The following ARHGEF37 variants were observed in gnomAD, a reference collection of about 807,000 sequenced individuals.
ARHGEF37 encodes the protein Rho guanine nucleotide exchange factor (GEF) 37.
In ARHGEF37, 55 loss-of-function variants were observed where a neutral mutation model predicts 71.1. The observed-to-expected ratio is 0.77, with a 90% CI of 0.62 to 0.97. The LOEUF is 0.97. ARHGEF37 is among the 50% of genes least tolerant of loss of function. ARHGEF37 has a pLI of 0.00. For missense variants in ARHGEF37, 765 were observed against 836.8 expected, an observed-to-expected ratio of 0.91 and a Z score of 1.06; for synonymous variants, 327 against 350.6, an observed-to-expected ratio of 0.93 and a Z score of 0.75.
intron 10 of ARHGEF37, among the ~76,000 whole-genome samples, chr5:149,624,913 T>TTG (rs1476776139): frequency 2.0e-5 from 3 of 151,216 alleles, no homozygotes; most frequent in African/African-American, 7.3e-5. Flanking sequence ...TTTTTTTTTT[T>TTG]TTTGAGATGG....
At position 149,590,466 on chromosome 5, in the gene ARHGEF37, G is replaced by T. The variant is rs187965675; in HGVS notation, c.-11-7293G>T. 3.8e-3 allele frequency among the ~76,000 whole-genome samples: 570 copies of T among 151,994 alleles called. 7 individuals are homozygous for T. Among genetic ancestry groups the T allele is most frequent in the African/African-American group, 0.013 (522 of 41,454 alleles). On this transcript the variant is annotated intron_variant, in intron 1 of 12. Transcript: ENST00000333677. The stretch of plus-strand genomic sequence containing the variant: ...CTGGCTAATTTTTGTATTTTTAGTA[G>T]AGACGAGGGTTCACCATGTTGGTCA...
At chr5:149,562,822 A>G (rs1355779546) in intron 1 of ARHGEF37, among the ~76,000 whole-genome samples, 10 of 152,216 alleles carry the variant, frequency 6.6e-5, no homozygotes, top group Admixed American at 5.9e-4. Flanking sequence ...TTACTTTTAC[A>G]GGGAACATGT....
chr5:149,585,142 G>GC (rs2113271543), intron 1 of ARHGEF37, among the ~76,000 whole-genome samples: 1 of 152,294 alleles, frequency 6.6e-6, no homozygotes, highest in South Asian at 2.1e-4. Flanking sequence ...GAAAAGATTG[G>GC]CTCTACCAGA....
intron 7 of ARHGEF37, among the ~76,000 whole-genome samples, chr5:149,619,966 A>G (rs996683125): frequency 2.6e-5 from 4 of 151,776 alleles, no homozygotes; most frequent in African/African-American, 9.7e-5. Flanking sequence ...CCAGCTACTC[A>G]GGAGGCTGAG....
At chr5:149,619,746 A>G (rs1324540960) in intron 7 of ARHGEF37, among the ~76,000 whole-genome samples, 1 of 152,214 alleles carries the variant, frequency 6.6e-6, no homozygotes, top group Non-Finnish European at 1.5e-5. Context: ...AAAAGTATTA[A>G]TAGAACATGT....
rs1368253586 is a variant in ARHGEF37 at position 149,624,079 on chromosome 5, G to A, written c.1403G>A (p.Ser468Asn). 3 of 1,612,270 alleles carry A rather than the reference G, an allele frequency of 1.9e-6. No individual in the cohort carries two copies. The highest frequency in any genetic ancestry group is 1.1e-5 in the South Asian group (1 of 91,006). ...KLVEDALGRT[S>N]NQLRSFQETF... ...GTGGAGGACGCACTGGGCCGGACGA[G>A]TAACCAGCTTCGCTCCTTTCAAGAG... The change falls in exon 10 of 13, where the codon AGT (serine) becomes AAT (asparagine). Residue 468 changes from serine to asparagine, a missense_variant. Physicochemically the swap from Ser to Asn is conservative, Grantham distance 46 (BLOSUM62 1). Coordinates refer to ENST00000333677, the MANE Select transcript of ARHGEF37 (RefSeq NM_001001669.3).
At chr5:149,625,561 C>T (rs1240285496) in intron 10 of ARHGEF37, among the ~76,000 whole-genome samples, 7 of 152,250 alleles carry the variant, frequency 4.6e-5, no homozygotes, top group African/African-American at 9.6e-5. Flanking sequence ...GCCTGATATC[C>T]GCCACAAGGC....
chr5:149,622,142 G>A (rs923349127), intron 9 of ARHGEF37, 80 bp downstream of exon 9: 2 of 1,384,512 alleles, frequency 1.4e-6, no homozygotes, highest in East Asian at 5.0e-5. Context: ...TGTGTGTAGG[G>A]GCTAGGATGG....
upstream of ARHGEF37, among the ~76,000 whole-genome samples, chr5:149,580,316 T>G (rs1763083058): frequency 6.6e-6 from 1 of 152,010 alleles, no homozygotes. Context: ...CCCCCTCAGC[T>G]TCCCAAAGTC....
intron 1 of ARHGEF37, among the ~76,000 whole-genome samples, chr5:149,571,141 C>T (rs993219005): frequency 6.6e-6 from 1 of 151,868 alleles, no homozygotes; most frequent in Non-Finnish European, 1.5e-5. Context: ...GGGGTTTCAC[C>T]ATGTTGGTCA....
intron 11 of ARHGEF37, among the ~76,000 whole-genome samples, chr5:149,628,117 G>T (rs755679101): frequency 6.6e-6 from 1 of 152,194 alleles, no homozygotes; most frequent in Non-Finnish European, 1.5e-5. Context: ...ACCACAGAAC[G>T]GGTATTAAGC....
chr5:149,596,541 GT>G (rs1423046872), intron 1 of ARHGEF37, among the ~76,000 whole-genome samples: 5 of 152,204 alleles, frequency 3.3e-5, no homozygotes, highest in Non-Finnish European at 7.3e-5. Context: ...CTGACCTCAG[GT>G]GGTTTGCCCA....
intron 1 of ARHGEF37, among the ~76,000 whole-genome samples, chr5:149,585,915 A>G (rs140173472): frequency 1.4e-3 from 219 of 152,354 alleles, no homozygotes; most frequent in Non-Finnish European, 2.1e-3. Context: ...AGAGTTGTGT[A>G]TGACCATATC....
intron 3 of ARHGEF37, among the ~76,000 whole-genome samples, chr5:149,605,227 A>G (rs1221306886): frequency 4.5e-4 from 10 of 22,296 alleles, no homozygotes; most frequent in Admixed American, 2.8e-3. Context: ...ACTGCATCTC[A>G]AAAAAAAAAA....
intron 1 of ARHGEF37, among the ~76,000 whole-genome samples, chr5:149,562,589 C>CCACCCGGCTACCA (rs1762847591): frequency 6.6e-6 from 1 of 152,220 alleles, no homozygotes; most frequent in Non-Finnish European, 1.5e-5. Flanking sequence ...ACTACAGGGC[C>CCACCCGGCTACCA]CACCCGGCTA....
At chr5:149,590,564 G>T (rs1451473379) in intron 1 of ARHGEF37, among the ~76,000 whole-genome samples, 3 of 150,428 alleles carry the variant, frequency 2.0e-5, no homozygotes, top group Non-Finnish European at 4.4e-5. Flanking sequence ...ACAGGTGTGA[G>T]CCACCGCGTC....
chr5:149,584,948 T>G (rs1763194308), intron 1 of ARHGEF37, among the ~76,000 whole-genome samples: 1 of 152,220 alleles, frequency 6.6e-6, no homozygotes, highest in South Asian at 2.1e-4. Flanking sequence ...ATATTGTTTA[T>G]TTAGTTATAT....
At chr5:149,562,375 T>C (rs1561782104) in intron 1 of ARHGEF37, among the ~76,000 whole-genome samples, 1 of 152,244 alleles carries the variant, frequency 6.6e-6, no homozygotes, top group Non-Finnish European at 1.5e-5. Flanking sequence ...ACTGCAGCTA[T>C]TGTATCCATC....
intron 1 of ARHGEF37, among the ~76,000 whole-genome samples, chr5:149,584,662 T>A (rs1198941098): frequency 6.6e-6 from 1 of 152,060 alleles, no homozygotes. Context: ...CAGGCTGGAG[T>A]GCAATGGCAT....
Sources: allele counts gnomAD v4.1 joint callset (sites outside exome capture counted in the v4.1 genomes callset), GRCh38; gene constraint gnomAD v4.1.1; transcripts MANE v1.5; gene names NCBI Gene and HGNC (gene_info 2026-07-23, HGNC 2026-07-21).